The following CCDC3 variants were observed in gnomAD, a reference collection of about 807,000 sequenced individuals.
CCDC3 encodes the protein coiled-coil domain-containing protein 3.
Under a neutral mutation model 21.4 loss-of-function variants are expected in CCDC3, and 24 were observed. The ratio of observed to expected loss-of-function variants is 1.12; its 90% confidence interval spans 0.81 to 1.58. The LOEUF (loss-of-function observed/expected upper bound fraction) is 1.58. CCDC3 is among the 40% of genes most tolerant of loss of function. CCDC3 has a pLI of 0.00. For synonymous variants in CCDC3, 186 were observed against 166.0 expected, an observed-to-expected ratio of 1.12 and a Z score of -0.93; for missense variants, 425 against 360.9, an observed-to-expected ratio of 1.18 and a Z score of -1.44.
At chr10:13,024,817 C>A (rs1022649372) in intron 5 of CCDC3, among the ~76,000 whole-genome samples, 1 of 152,058 alleles carries the variant, frequency 6.6e-6, no homozygotes, top group Non-Finnish European at 1.5e-5. Flanking sequence ...CCCATATTAC[C>A]AAGGCAACCG....
chr10:13,047,437 G>A (rs1836543783), intron 5 of CCDC3, among the ~76,000 whole-genome samples: 1 of 152,114 alleles, frequency 6.6e-6, no homozygotes, highest in Non-Finnish European at 1.5e-5. Flanking sequence ...CCAGGAAAAA[G>A]GGATTCTCAG....
chr10:13,062,698 C>G (rs1836772127), intron 4 of CCDC3, among the ~76,000 whole-genome samples: 1 of 152,168 alleles, frequency 6.6e-6, no homozygotes, highest in Admixed American at 6.5e-5. Flanking sequence ...CTTTCCCAAG[C>G]AGACCTCCTT....
intron 5 of CCDC3, among the ~76,000 whole-genome samples, chr10:13,009,682 C>T (rs622695): frequency 0.8 from 121,951 of 152,154 alleles, 49,895 homozygotes; most frequent in Non-Finnish European, 0.88. Context: ...GGAAAAAGAA[C>T]GACCTTTTGA....
At chr10:13,000,278 C>T (rs1835826418) in intron 1 of CCDC3, among the ~76,000 whole-genome samples, 1 of 152,114 alleles carries the variant, frequency 6.6e-6, no homozygotes, top group African/African-American at 2.4e-5. Context: ...CTCCAAATTC[C>T]AACTGAAGCT....
chr10:12,986,545 CG>C (rs1473989162), intron 2 of CCDC3, among the ~76,000 whole-genome samples: 1 of 152,134 alleles, frequency 6.6e-6, no homozygotes, highest in African/African-American at 2.4e-5. Context: ...GAGGCCAAGG[CG>C]GGCGGATCAC....
At chr10:12,921,360 C>G (rs150953619) in intron 2 of CCDC3, among the ~76,000 whole-genome samples, 2 of 152,226 alleles carry the variant, frequency 1.3e-5, no homozygotes, top group East Asian at 3.9e-4. Context: ...TGTCTGTGTA[C>G]GTCTGTGGGG....
At chr10:12,932,726 C>A (rs535811995) in intron 2 of CCDC3, among the ~76,000 whole-genome samples, 1 of 152,232 alleles carries the variant, frequency 6.6e-6, no homozygotes, top group South Asian at 2.1e-4. Context: ...CAGAGGACAT[C>A]CTTGCCTTGT....
At chr10:12,923,624 C>G (rs1348726043) in intron 2 of CCDC3, among the ~76,000 whole-genome samples, 1 of 152,074 alleles carries the variant, frequency 6.6e-6, no homozygotes, top group Non-Finnish European at 1.5e-5. Context: ...GATATGATAC[C>G]TCGATGGGTT....
At chr10:12,945,452 T>C (rs2131242512) in intron 2 of CCDC3, among the ~76,000 whole-genome samples, 1 of 152,010 alleles carries the variant, frequency 6.6e-6, no homozygotes, top group East Asian at 1.9e-4. Flanking sequence ...AAGAAAACTG[T>C]AGGATGCTTG....
At chr10:13,048,575 T>C (rs1836563137) in intron 5 of CCDC3, among the ~76,000 whole-genome samples, 1 of 152,150 alleles carries the variant, frequency 6.6e-6, no homozygotes, top group Admixed American at 6.5e-5. Context: ...TTCCTATTGA[T>C]GCCATTCACT....
upstream of CCDC3, among the ~76,000 whole-genome samples, chr10:13,006,469 G>A (rs534838645): frequency 7.9e-4 from 121 of 152,330 alleles, no homozygotes; most frequent in African/African-American, 2.8e-3. Flanking sequence ...GAGTTCAGTG[G>A]AGATGTGATA....
At chr10:12,982,810 A>C (rs868512949) in intron 2 of CCDC3, among the ~76,000 whole-genome samples, 4,800 of 149,106 alleles carry the variant, frequency 0.032, 364 homozygotes, top group African/African-American at 0.11. Flanking sequence ...AAAAAAAAAA[A>C]AAAAAAAAAC....
intron 5 of CCDC3, among the ~76,000 whole-genome samples, chr10:13,022,000 T>A (rs1836152335): frequency 6.6e-6 from 1 of 152,266 alleles, no homozygotes; most frequent in Non-Finnish European, 1.5e-5. Context: ...CCTCAGGTGA[T>A]CTGCCTGCCT....
intron 5 of CCDC3, among the ~76,000 whole-genome samples, chr10:13,040,863 T>C (rs570902803): frequency 1.3e-5 from 2 of 152,340 alleles, no homozygotes; most frequent in Non-Finnish European, 2.9e-5. Context: ...GAGTCCTATC[T>C]AGTAAATTAT....
At chr10:13,081,515 C>A (rs1273241936) in intron 3 of CCDC3, among the ~76,000 whole-genome samples, 1 of 152,220 alleles carries the variant, frequency 6.6e-6, no homozygotes. Flanking sequence ...CCATCAGAGT[C>A]ATGGGCCATT....
intron 2 of CCDC3, among the ~76,000 whole-genome samples, chr10:12,927,094 T>C (rs778001211): frequency 2.0e-5 from 3 of 152,210 alleles, no homozygotes; most frequent in Non-Finnish European, 2.9e-5. Flanking sequence ...GTTCCTGTTT[T>C]CCATCTCCCC....
chr10:13,027,694 G>C (rs1391554471), intron 5 of CCDC3, among the ~76,000 whole-genome samples: 4 of 144,406 alleles, frequency 2.8e-5, no homozygotes, highest in Non-Finnish European at 6.0e-5. Context: ...CTGGGTGATA[G>C]AGTGAGACTC....
intron 4 of CCDC3, among the ~76,000 whole-genome samples, chr10:13,054,390 A>G (rs1836655073): frequency 6.6e-6 from 1 of 152,038 alleles, no homozygotes; most frequent in African/African-American, 2.4e-5. Flanking sequence ...TAAGCTTTTC[A>G]AAGTGGATTG....
intron 2 of CCDC3, among the ~76,000 whole-genome samples, chr10:12,992,604 T>C (rs960934183): frequency 6.6e-6 from 1 of 151,772 alleles, no homozygotes; most frequent in African/African-American, 2.4e-5. Context: ...ATCTAAGCTA[T>C]GGGGACGCAA....
Sources: gnomAD v4.1 joint callset for allele counts (sites outside exome capture counted in the v4.1 genomes callset) on GRCh38, gnomAD v4.1.1 for gene constraint, MANE v1.5 for transcripts, NCBI Gene and HGNC (gene_info 2026-07-23, HGNC 2026-07-21) for gene names.